WWOX: variants seen among roughly 807,000 people sequenced by gnomAD.
WWOX encodes WW domain-containing oxidoreductase.
A neutral mutation model predicts 46.2 loss-of-function variants in WWOX; 69 were observed. The observed-to-expected ratio is 1.49, with a 90% confidence interval of 1.23 to 1.82. The LOEUF is 1.82. Among genes scored for constraint, WWOX ranks in the 40% most tolerant of loss-of-function variants. The pLI, the probability that WWOX is intolerant of heterozygous loss-of-function variation, is 0.00. For synonymous variants in WWOX, 359 were observed against 202.6 expected (o/e 1.77, Z -6.56); for missense variants, 919 against 542.6 (o/e 1.69, Z -6.89).
At chr16:78,947,982 C>G (rs1057150113) in intron 8 of WWOX, among the ~76,000 whole-genome samples, 3 of 152,120 alleles carry the variant, frequency 2.0e-5, no homozygotes, top group African/African-American at 4.8e-5. Flanking sequence ...CAAGGACATT[C>G]TAGAGGAAGT....
chr16:78,503,255 A>G (rs1266236071), intron 8 of WWOX, among the ~76,000 whole-genome samples: 1 of 152,232 alleles, frequency 6.6e-6, no homozygotes, highest in African/African-American at 2.4e-5. Flanking sequence ...ATCCGCTGGT[A>G]AAATCTGGAA....
intron 6 of WWOX, among the ~76,000 whole-genome samples, chr16:78,423,843 C>CAA (rs5818135): frequency 1.1e-4 from 9 of 79,976 alleles, no homozygotes; most frequent in Admixed American, 2.9e-4. Context: ...AAGATCTTGT[C>CAA]AAAAAAAAAA....
chr16:79,127,955 C>T (rs139706501), intron 8 of WWOX, among the ~76,000 whole-genome samples: 3 of 152,102 alleles, frequency 2.0e-5, no homozygotes, highest in East Asian at 1.9e-4. Context: ...ATGACAGTTA[C>T]GCAAAGGCCT....
chr16:78,926,681 G>T (rs1478581695), intron 8 of WWOX, among the ~76,000 whole-genome samples: 5 of 152,164 alleles, frequency 3.3e-5, no homozygotes, highest in Non-Finnish European at 7.3e-5. Context: ...CATTTGTTCA[G>T]GTGTTGTGGA....
At chr16:78,802,364 C>T (rs915490169) in intron 8 of WWOX, among the ~76,000 whole-genome samples, 18 of 151,804 alleles carry the variant, frequency 1.2e-4, no homozygotes, top group African/African-American at 3.9e-4. Flanking sequence ...GAGGGTAGGT[C>T]TGTGAATGGA....
chr16:78,362,685 G>T (rs2081436892), intron 5 of WWOX, among the ~76,000 whole-genome samples: 1 of 152,176 alleles, frequency 6.6e-6, no homozygotes, highest in South Asian at 2.1e-4. Flanking sequence ...TTTCTTTTAG[G>T]ACTGGACGGG....
At chr16:78,767,403 G>A (rs2049948785) in intron 8 of WWOX, among the ~76,000 whole-genome samples, 1 of 152,028 alleles carries the variant, frequency 6.6e-6, no homozygotes, top group Non-Finnish European at 1.5e-5. Flanking sequence ...CCAAAGCGCT[G>A]AGATGACTGC....
At chr16:78,759,737 C>T (rs1027747160) in intron 8 of WWOX, among the ~76,000 whole-genome samples, 2 of 152,150 alleles carry the variant, frequency 1.3e-5, no homozygotes, top group African/African-American at 4.8e-5. Flanking sequence ...AAAGTTAGCA[C>T]AAATGCAGAG....
intron 5 of WWOX, among the ~76,000 whole-genome samples, chr16:78,235,322 A>G (rs2113164): frequency 0.081 from 12,332 of 152,018 alleles, 1,163 homozygotes; most frequent in East Asian, 0.34. Flanking sequence ...CACTTTGCCA[A>G]TCTTGGTCCT....
chr16:78,324,327 C>T (rs1189579646), intron 5 of WWOX, among the ~76,000 whole-genome samples: 1 of 152,038 alleles, frequency 6.6e-6, no homozygotes, highest in Non-Finnish European at 1.5e-5. Flanking sequence ...AGTTGGAACC[C>T]TCACACACCA....
intron 5 of WWOX, among the ~76,000 whole-genome samples, chr16:78,199,893 G>A (rs1597344075): frequency 6.6e-6 from 1 of 152,280 alleles, no homozygotes; most frequent in East Asian, 1.9e-4. Context: ...TGGATGGAGT[G>A]ATCAATGGTA....
At chr16:78,704,737 G>T (rs757656512) in intron 8 of WWOX, among the ~76,000 whole-genome samples, 5 of 152,082 alleles carry the variant, frequency 3.3e-5, no homozygotes, top group Non-Finnish European at 7.3e-5. Context: ...GTGAATTCTG[G>T]AAATGCTCTA....
intron 8 of WWOX, among the ~76,000 whole-genome samples, chr16:78,715,216 G>C (rs1157681921): frequency 1.3e-5 from 2 of 152,148 alleles, no homozygotes; most frequent in Admixed American, 6.5e-5. Flanking sequence ...GCAAGTTAAA[G>C]AAAACACAAG....
intron 5 of WWOX, among the ~76,000 whole-genome samples, chr16:78,341,389 T>G (rs571308865): frequency 8.2e-6 from 1 of 121,460 alleles, no homozygotes; most frequent in South Asian, 2.5e-4. Context: ...TAGTGTGATT[T>G]GGGATGAAAA....
intron 8 of WWOX, among the ~76,000 whole-genome samples, chr16:78,833,142 A>G (rs888433372): frequency 2.0e-5 from 3 of 151,860 alleles, no homozygotes; most frequent in South Asian, 4.2e-4. Context: ...CCTAGGCTCA[A>G]GCGATCCTCC....
intron 8 of WWOX, among the ~76,000 whole-genome samples, chr16:78,591,007 C>T (rs2045338141): frequency 6.6e-6 from 1 of 152,144 alleles, no homozygotes; most frequent in Non-Finnish European, 1.5e-5. Context: ...AGGCGCTCAA[C>T]TCACGGTGGC....
At chr16:79,099,042 A>G (rs1467117017) in intron 8 of WWOX, among the ~76,000 whole-genome samples, 1 of 143,206 alleles carries the variant, frequency 7.0e-6, no homozygotes, top group Non-Finnish European at 1.6e-5. Context: ...GGCAGAAGGC[A>G]AAGAGAAGCC....
intron 8 of WWOX, among the ~76,000 whole-genome samples, chr16:78,817,504 G>A (rs1291930152): frequency 6.6e-6 from 1 of 152,160 alleles, no homozygotes; most frequent in African/African-American, 2.4e-5. Flanking sequence ...CTGCAAAATA[G>A]ATGTACAGCT....
At chr16:78,945,338 A>G (rs923623260) in intron 8 of WWOX, among the ~76,000 whole-genome samples, 4 of 152,206 alleles carry the variant, frequency 2.6e-5, no homozygotes, top group African/African-American at 4.8e-5. Context: ...TTAAATGTAT[A>G]ATCTCAAACT....
Sources: gnomAD v4.1 joint callset for allele counts (sites outside exome capture counted in the v4.1 genomes callset) on GRCh38, gnomAD v4.1.1 for gene constraint, MANE v1.5 for transcripts, NCBI Gene and HGNC (gene_info 2026-07-23, HGNC 2026-07-21) for gene names.